The following TMCO5A variants were observed in gnomAD, a reference collection of about 807,000 sequenced individuals.
TMCO5A encodes the protein transmembrane and coiled-coil domain-containing protein 5A.
A neutral mutation model predicts 42.3 loss-of-function variants in TMCO5A; 34 were observed. The observed-to-expected ratio is 0.80, with a 90% CI of 0.61 to 1.07. The LOEUF (loss-of-function observed/expected upper bound fraction) is 1.07, where lower values mean the gene tolerates loss of function less well. TMCO5A is among the 50% of genes least tolerant of loss of function. TMCO5A has a pLI of 0.00. For synonymous variants in TMCO5A, 131 were observed against 115.6 expected, an observed-to-expected ratio of 1.13 and a Z score of -0.86; for missense variants, 357 against 327.9, an observed-to-expected ratio of 1.09 and a Z score of -0.69.
chr15:37,996,674 T>G, the TMCO5A span, among the ~76,000 whole-genome samples: 1 of 152,118 alleles, frequency 6.6e-6, no homozygotes, highest in Non-Finnish European at 1.5e-5. Context: ...ACTCTCAACT[T>G]TAGAAAGGGA....
the TMCO5A span, among the ~76,000 whole-genome samples, chr15:37,988,629 G>C: frequency 6.6e-6 from 1 of 151,918 alleles, no homozygotes. Context: ...CCTTTATTCT[G>C]TTAATGTGGT....
At position 37,936,419 on chromosome 15, in the gene TMCO5A, G is replaced by T. The variant is rs149517482; in HGVS notation, c.96G>T (p.Gln32His). Residue 32 changes from glutamine (Q) to histidine (H), a missense_variant, in exon 3 of 12, where the codon CAG (glutamine) becomes CAT (histidine). Coordinates refer to ENST00000319669, the MANE Select transcript of TMCO5A (RefSeq NM_152453.4). ...RDTQRIDEAN[Q>H]KLLLKIQERE... is the part of the protein sequence containing the mutation. ...CGCAGAGAATAGATGAAGCAAATCA[G>T]AAACTTCTTCTCAAAATCCAAGAGA... The T allele has an allele frequency of 6.3e-3, 10,119 of 1,613,046 alleles. 67 individuals carry two copies. Among genetic ancestry groups the T allele is most frequent in the Non-Finnish European group, 5.9e-3 (6,983 of 1,179,392 alleles).
downstream of TMCO5A, chr15:37,951,431 G>T (rs1381440939): frequency 1.1e-5 from 6 of 562,620 alleles, no homozygotes; most frequent in Admixed American, 2.0e-4. Context: ...GATTTATGTG[G>T]CTCTGTGGAT....
the TMCO5A span, among the ~76,000 whole-genome samples, chr15:37,987,261 T>C: frequency 1.3e-5 from 2 of 152,098 alleles, no homozygotes; most frequent in Non-Finnish European, 2.9e-5. Flanking sequence ...GTTGTTATTA[T>C]TGAGTTATCT....
chr15:37,959,955 G>A (rs965275685), intron 11 of TMCO5A, among the ~76,000 whole-genome samples: 1 of 152,002 alleles, frequency 6.6e-6, no homozygotes, highest in East Asian at 1.9e-4. Context: ...AAACTATTTA[G>A]AACTGATGAA....
chr15:37,955,508 A>G (rs1386272767), downstream of TMCO5A, among the ~76,000 whole-genome samples: 1 of 152,194 alleles, frequency 6.6e-6, no homozygotes, highest in Non-Finnish European at 1.5e-5. Flanking sequence ...AGGGCATCAC[A>G]TAATGGTAAA....
At chr15:37,960,964 C>T (rs753545293) in intron 11 of TMCO5A, among the ~76,000 whole-genome samples, 2 of 151,740 alleles carry the variant, frequency 1.3e-5, no homozygotes, top group Non-Finnish European at 1.5e-5. Flanking sequence ...GTGTAGATTG[C>T]GAAGATTTTC....
chr15:38,013,393 A>T, the TMCO5A span, among the ~76,000 whole-genome samples: 1 of 152,076 alleles, frequency 6.6e-6, no homozygotes, highest in African/African-American at 2.4e-5. Flanking sequence ...CTACTAAAAA[A>T]CTTGACATGG....
chr15:37,935,043 C>A (rs963560065), intron 1 of TMCO5A, among the ~76,000 whole-genome samples: 1 of 152,114 alleles, frequency 6.6e-6, no homozygotes, highest in South Asian at 2.1e-4. Flanking sequence ...AGCATTATCT[C>A]TGTATCCTGA....
At chr15:37,975,383 G>GTACATGCCCGGTAATCCCAGCTACTC in the TMCO5A span, among the ~76,000 whole-genome samples, 2 of 151,472 alleles carry the variant, frequency 1.3e-5, no homozygotes, top group African/African-American at 4.9e-5. Context: ...TCTCTTTGTA[G>GTACATGCCCGGTAATCCCAGCTACTC]GTCTTTAAGA....
At chr15:38,038,406 CTT>C in the TMCO5A span, among the ~76,000 whole-genome samples, 29 of 138,970 alleles carry the variant, frequency 2.1e-4, no homozygotes, top group African/African-American at 1.3e-4. Flanking sequence ...ATGAAAATTT[CTT>C]TTTTTTTTTT....
chr15:37,951,603 G>A (rs1890160083), downstream of TMCO5A: 1 of 174,196 alleles, frequency 5.7e-6, no homozygotes, highest in Non-Finnish European at 1.2e-5. Flanking sequence ...AGAACTCATA[G>A]GTTATAAGTG....
At chr15:37,982,026 A>T in the TMCO5A span, among the ~76,000 whole-genome samples, 1 of 152,336 alleles carries the variant, frequency 6.6e-6, no homozygotes, top group South Asian at 2.1e-4. Flanking sequence ...TCTCTTCAGA[A>T]GCTAGTCATT....
the TMCO5A span, among the ~76,000 whole-genome samples, chr15:38,008,142 A>G: frequency 0.036 from 5,393 of 151,326 alleles, 181 homozygotes; most frequent in African/African-American, 0.087. Flanking sequence ...TGATCTGCCC[A>G]CCTTGGCCTC....
At chr15:37,948,514 A>C (rs1890042776) in intron 11 of TMCO5A, among the ~76,000 whole-genome samples, 1 of 152,064 alleles carries the variant, frequency 6.6e-6, no homozygotes, top group Non-Finnish European at 1.5e-5. Context: ...TCCTGAATAC[A>C]ATATTCCTAA....
Position 37,951,374 on chromosome 15 carries a change from C to T in TMCO5A, c.*140C>T, listed in dbSNP as rs933954846. On this transcript the variant is annotated 3_prime_UTR_variant, in exon 12 of 12. Coordinates refer to ENST00000319669, the MANE Select transcript of TMCO5A (RefSeq NM_152453.4). ...CCTGCTTGACTACCTTCTGTCACCA[C>T]GTCATCTTTCCAGGATTAACCTTGA... The T allele has an allele frequency of 4.2e-5, 30 of 722,016 alleles. No homozygotes were observed. Among genetic ancestry groups the T allele is most frequent in the African/African-American group, 1.1e-4 (6 of 56,334 alleles). The allele number at this position is 722,016 out of a possible 1,614,324, so 44.7% of individuals were successfully genotyped here.
the TMCO5A span, among the ~76,000 whole-genome samples, chr15:38,031,158 G>A: frequency 6.6e-6 from 1 of 152,128 alleles, no homozygotes; most frequent in African/African-American, 2.4e-5. Context: ...ACCCTTCAGG[G>A]AGAGTAATCC....
At chr15:37,957,090 T>C (rs904285067) in intron 11 of TMCO5A, among the ~76,000 whole-genome samples, 20 of 152,170 alleles carry the variant, frequency 1.3e-4, no homozygotes, top group African/African-American at 4.6e-4. Context: ...GGAACATTTC[T>C]CAAAATAATG....
At chr15:37,949,641 A>G (rs888154521) in intron 11 of TMCO5A, among the ~76,000 whole-genome samples, 10 of 152,096 alleles carry the variant, frequency 6.6e-5, no homozygotes, top group African/African-American at 2.4e-4. Context: ...GGTTATCTGT[A>G]TGAGATTGGA....
Sources: gnomAD v4.1 joint callset for allele counts (sites outside exome capture counted in the v4.1 genomes callset) on GRCh38, gnomAD v4.1.1 for gene constraint, MANE v1.5 for transcripts, NCBI Gene and HGNC (gene_info 2026-07-23, HGNC 2026-07-21) for gene names.